Variants in LHFPL6 observed in about 807,000 individuals in gnomAD.
The protein encoded by LHFPL6 is LHFPL tetraspan subfamily member 6 protein.
LHFPL6 carries 9 observed loss-of-function variants against 20.6 expected under a neutral mutation model. The ratio of observed to expected loss-of-function variants is 0.44; its 90% CI spans 0.26 to 0.76. The LOEUF is 0.76. Among genes scored for constraint, LHFPL6 ranks in the 30% least tolerant of loss-of-function variants. The pLI is 0.20. For synonymous variants in LHFPL6, 105 were observed against 98.7 expected (o/e 1.06, Z -0.38); for missense variants, 218 against 253.5 (o/e 0.86, Z 0.95).
At chr13:39,421,632 C>A (rs1871489702) in intron 2 of LHFPL6, among the ~76,000 whole-genome samples, 2 of 152,090 alleles carry the variant, frequency 1.3e-5, no homozygotes, top group African/African-American at 4.8e-5. Context: ...TGGACAAGTT[C>A]AAGGTTCCAA....
At chr13:39,597,001 G>C (rs566930957) in intron 2 of LHFPL6, among the ~76,000 whole-genome samples, 3 of 152,182 alleles carry the variant, frequency 2.0e-5, no homozygotes, top group Non-Finnish European at 4.4e-5. Context: ...TCATAACATA[G>C]AGCAAGGGAT....
At chr13:39,352,972 C>CACATATATAT (rs1555257725) in intron 3 of LHFPL6, among the ~76,000 whole-genome samples, 4 of 69,134 alleles carry the variant, frequency 5.8e-5, no homozygotes, top group Non-Finnish European at 9.8e-5. Flanking sequence ...CACACACACA[C>CACATATATAT]ATATATATAT....
intron 2 of LHFPL6, among the ~76,000 whole-genome samples, chr13:39,411,031 A>G (rs1328793702): frequency 6.6e-6 from 1 of 152,260 alleles, no homozygotes; most frequent in African/African-American, 2.4e-5. Flanking sequence ...AGGGATATTT[A>G]AATAAAAGGC....
intron 2 of LHFPL6, among the ~76,000 whole-genome samples, chr13:39,380,051 G>C (rs1022398267): frequency 6.6e-6 from 1 of 152,184 alleles, no homozygotes; most frequent in Non-Finnish European, 1.5e-5. Flanking sequence ...TTCCCCTTGG[G>C]ATAGAATGTA....
At chr13:39,550,068 T>C (rs1410358749) in intron 2 of LHFPL6, among the ~76,000 whole-genome samples, 2 of 152,134 alleles carry the variant, frequency 1.3e-5, no homozygotes, top group Admixed American at 6.5e-5. Flanking sequence ...AAAAACTGCA[T>C]GATTTTGTGA....
chr13:39,355,519 A>C (rs1191169953), intron 3 of LHFPL6, among the ~76,000 whole-genome samples: 1 of 152,208 alleles, frequency 6.6e-6, no homozygotes, highest in Non-Finnish European at 1.5e-5. Flanking sequence ...TAACATGATC[A>C]AAACCTCACA....
rs117104448 is a variant in LHFPL6, at chr13:39,437,020, G to A, written c.386-58494C>T. ...TGCCTAGACCTCTCCTCATTCAAAA[G>A]GTGACAAATTTTACAGACTTATTAT... is the stretch of plus-strand genomic sequence containing the variant. On this transcript the variant is annotated intron_variant, in intron 2 of 3. Coordinates refer to ENST00000379589, the MANE Select transcript of LHFPL6 (RefSeq NM_005780.3). Among the ~76,000 whole-genome samples, 69 of 152,236 alleles carry A rather than the reference G, an allele frequency of 4.5e-4. No homozygotes were observed. The East Asian group carries it at 0.012, about 26-fold the overall frequency.
chr13:39,546,106 A>C (rs1870974244), intron 2 of LHFPL6, among the ~76,000 whole-genome samples: 1 of 152,090 alleles, frequency 6.6e-6, no homozygotes, highest in Non-Finnish European at 1.5e-5. Flanking sequence ...CATATTGTAA[A>C]ATGATTAGAG....
At chr13:39,452,615 G>A (rs1437460683) in intron 2 of LHFPL6, among the ~76,000 whole-genome samples, 1 of 152,158 alleles carries the variant, frequency 6.6e-6, no homozygotes, top group Non-Finnish European at 1.5e-5. Context: ...GCAGGGCTCT[G>A]CTAGACTCAT....
chr13:39,429,290 G>C (rs1329040203), intron 2 of LHFPL6, among the ~76,000 whole-genome samples: 1 of 150,454 alleles, frequency 6.6e-6, no homozygotes, highest in African/African-American at 2.4e-5. Flanking sequence ...ATTAATTTTT[G>C]TCTCATGTAT....
At chr13:39,426,645 G>A (rs1403620374) in intron 2 of LHFPL6, among the ~76,000 whole-genome samples, 1 of 152,098 alleles carries the variant, frequency 6.6e-6, no homozygotes, top group Non-Finnish European at 1.5e-5. Context: ...TTCACCCACG[G>A]TGCACCACAT....
At chr13:39,412,534 G>A (rs1163796910) in intron 2 of LHFPL6, among the ~76,000 whole-genome samples, 3 of 152,178 alleles carry the variant, frequency 2.0e-5, no homozygotes, top group Non-Finnish European at 4.4e-5. Context: ...GCTTTCTGGC[G>A]ATTGATTAAT....
intron 2 of LHFPL6, among the ~76,000 whole-genome samples, chr13:39,388,547 T>C (rs1870624949): frequency 6.6e-6 from 1 of 152,232 alleles, no homozygotes. Context: ...GGCATCTTAA[T>C]TCTACCATTT....
intron 2 of LHFPL6, among the ~76,000 whole-genome samples, chr13:39,454,278 C>T (rs970597595): frequency 6.6e-6 from 1 of 152,176 alleles, no homozygotes; most frequent in Non-Finnish European, 1.5e-5. Context: ...CAATCCAACA[C>T]CATTTAATCT....
intron 2 of LHFPL6, among the ~76,000 whole-genome samples, chr13:39,414,708 C>A (rs1325128164): frequency 6.6e-6 from 1 of 152,138 alleles, no homozygotes; most frequent in Non-Finnish European, 1.5e-5. Context: ...GCTTACAAAA[C>A]TTGGATAGAA....
At chr13:39,345,837 T>C (rs949241249) in intron 3 of LHFPL6, among the ~76,000 whole-genome samples, 1 of 152,138 alleles carries the variant, frequency 6.6e-6, no homozygotes, top group African/African-American at 2.4e-5. Flanking sequence ...AAAGGCTGCT[T>C]TCTGGAGGGC....
intron 2 of LHFPL6, among the ~76,000 whole-genome samples, chr13:39,431,719 G>T (rs945878561): frequency 3.9e-5 from 4 of 103,412 alleles, no homozygotes; most frequent in Non-Finnish European, 6.1e-5. Flanking sequence ...AGAATTTGTG[G>T]GGGGGGGGGG....
intron 2 of LHFPL6, among the ~76,000 whole-genome samples, chr13:39,596,999 T>C (rs1872790925): frequency 6.6e-6 from 1 of 152,216 alleles, no homozygotes; most frequent in Non-Finnish European, 1.5e-5. Context: ...TTTCATAACA[T>C]AGAGCAAGGG....
At chr13:39,551,666 CT>C (rs1258642388) in intron 2 of LHFPL6, among the ~76,000 whole-genome samples, 1 of 152,186 alleles carries the variant, frequency 6.6e-6, no homozygotes, top group Non-Finnish European at 1.5e-5. Flanking sequence ...TGCATTGAAT[CT>C]ATAAATCCAC....
Sources: gnomAD v4.1 joint callset for allele counts (sites outside exome capture counted in the v4.1 genomes callset) on GRCh38, gnomAD v4.1.1 for gene constraint, MANE v1.5 for transcripts, NCBI Gene and HGNC (gene_info 2026-07-23, HGNC 2026-07-21) for gene names.